The following SNX19 variants were observed in gnomAD, a reference collection of about 807,000 sequenced individuals.
SNX19 encodes sorting nexin 19.
SNX19 carries 60 observed loss-of-function variants against 85.2 expected under a neutral mutation model. The observed-to-expected ratio is 0.70, with a 90% CI of 0.57 to 0.87. The LOEUF is 0.87. Ranked by LOEUF, SNX19 falls within the 40% of genes least tolerant of loss-of-function variation. The pLI is 0.00. For synonymous variants in SNX19, 520 were observed against 470.0 expected, an observed-to-expected ratio of 1.11 and a Z score of -1.38; for missense variants, 1,201 against 1,217.8, an observed-to-expected ratio of 0.99 and a Z score of 0.21.
intron 8 of SNX19, chr11:130,903,018 T>C (rs1945362886): frequency 2.2e-6 from 1 of 445,132 alleles, no homozygotes; most frequent in African/African-American, 2.0e-5. Context: ...TCACACACAG[T>C]GTCTGCAACT....
At chr11:130,910,451 A>G in intron 2 of SNX19, 81 bp from the exon 3 acceptor site, 1 of 1,020,602 alleles carries the variant, frequency 9.8e-7, no homozygotes, top group Admixed American at 2.5e-5. Context: ...TATAAAGAAA[A>G]CAGAACTATT....
In SNX19 at chr11:130,915,676, A is replaced by T; in HGVS notation, c.264T>A (p.Cys88Ter). Residue 88 changes from cysteine to a stop codon, truncating the protein, a stop_gained, in exon 1 of 11, where the codon TGT becomes TGA. Transcript: ENST00000265909. LOFTEE classifies it high-confidence loss of function. ...HLERFIPLATCPPCPEAERQL... is the reference protein window; with the variant it reads ...HLERFIPLAT ...GCCTTTCTGCCTCAGGGCATGGAGGACAGGTGGCCAACGGGATGAAGCGTT... is the reference window on the plus strand; with the variant it reads ...GCCTTTCTGCCTCAGGGCATGGAGGTCAGGTGGCCAACGGGATGAAGCGTT... 2 of 1,614,222 alleles carry T rather than the reference A, an allele frequency of 1.2e-6. No individual in the cohort carries two copies. Among genetic ancestry groups the T allele is most frequent in the Non-Finnish European group, 1.7e-6 (2 of 1,180,036 alleles).
At chr11:130,903,571 A>G (rs1945413370) in intron 7 of SNX19, among the ~76,000 whole-genome samples, 187 bp from the exon 8 acceptor site, 1 of 152,026 alleles carries the variant, frequency 6.6e-6, no homozygotes, top group African/African-American at 2.4e-5. Context: ...CAGGCTCAGC[A>G]TTTCTTTACA....
At chr11:130,912,804 G>A (rs959411829) in intron 1 of SNX19, among the ~76,000 whole-genome samples, 1 of 152,058 alleles carries the variant, frequency 6.6e-6, no homozygotes, top group Non-Finnish European at 1.5e-5. Flanking sequence ...GAACTATGAG[G>A]CTTTCTGTGG....
Position 130,871,559 on chromosome 11 carries a change from G to T in SNX19, c.*6863C>A, listed in dbSNP as rs1383902277. On this transcript the variant is annotated 3_prime_UTR_variant, in exon 11 of 11. Transcript: ENST00000265909. ...TTTTTGATAGTTACAGGAGCAGGAT[G>T]ATTCTTCACCCAGGGGCACGGGCAA... is the stretch of plus-strand genomic sequence containing the variant. Among the ~76,000 whole-genome samples the T allele has an allele frequency of 6.6e-6, 1 of 152,196 alleles. No homozygotes were observed. Among genetic ancestry groups the T allele is most frequent in the Non-Finnish European group, 1.5e-5 (1 of 68,036 alleles).
In SNX19 at chr11:130,911,781, G is replaced by C. The variant is rs1445443939; in HGVS notation, c.1675-10C>G. 6.2e-7 allele frequency: 1 copy of C among 1,612,200 alleles called. No homozygotes were observed. Among genetic ancestry groups the C allele is most frequent in the Admixed American group, 1.7e-5 (1 of 59,894 alleles). On this transcript the variant is annotated splice_polypyrimidine_tract_variant and intron_variant, in intron 1 of 10. Transcript: ENST00000265909. ...CAAGGGCTGTCTCGTACTGTTCAACGAACAAATTGATTGACTCAATCAGCC... is the reference window on the plus strand; with the variant it reads ...CAAGGGCTGTCTCGTACTGTTCAACCAACAAATTGATTGACTCAATCAGCC...
chr11:130,911,067 C>T (rs1487347087), intron 2 of SNX19, among the ~76,000 whole-genome samples: 2 of 151,930 alleles, frequency 1.3e-5, no homozygotes, highest in African/African-American at 2.4e-5. Context: ...TGGTGGCGGG[C>T]GCCTGTAATC....
At position 130,910,363 on chromosome 11, in the gene SNX19, C is replaced by T. The variant is rs771543583; in HGVS notation, c.1821G>A (p.Lys607=). The T allele has an allele frequency of 6.4e-7, 1 of 1,566,402 alleles. No homozygotes were observed. The highest frequency in any genetic ancestry group is 8.6e-7 in the Non-Finnish European group (1 of 1,159,970). Residue 607 remains lysine (K), a synonymous_variant, in exon 3 of 11, where the codon AAG becomes AAA. Transcript: ENST00000265909. ...PDLRKFIKNV[K]GPKKLFPDLP... is the part of the protein sequence containing the mutation. ...GATCTGGAAAGAGCTTTTTAGGACCCTTCACATCTTCCAAAAAAAAAAAAA... is the reference window on the plus strand; with the variant it reads ...GATCTGGAAAGAGCTTTTTAGGACCTTTCACATCTTCCAAAAAAAAAAAAA...
At chr11:130,882,482 ACTGATT>A (rs1943750091) in intron 8 of SNX19, among the ~76,000 whole-genome samples, 1 of 152,236 alleles carries the variant, frequency 6.6e-6, no homozygotes, top group Non-Finnish European at 1.5e-5. Context: ...AAGGCTCACA[ACTGATT>A]CTAAGAATAG....
chr11:130,914,290 G>C lies in SNX19; in HGVS notation c.1650C>G (p.His550Gln). The change falls in exon 1 of 11, where the codon CAC (histidine) becomes CAG (glutamine). Residue 550 changes from histidine (H) to glutamine (Q), a missense_variant. Physicochemically the swap from His to Gln is conservative, Grantham distance 24 (BLOSUM62 0). Around this residue, in one of 3 missense-constraint regions of SNX19, gnomAD observed 791 missense variants for 750.9 expected, o/e 1.05. Transcript: ENST00000265909. ...CCTTCACAGTATAGAGTGTGTATGG[G>C]TGGAATCCAGTGCCACTGTGCTCTC... ...TAREHSGTGF[H>Q]PYTLYTVKYE... 2 of 1,595,206 alleles carry C rather than the reference G, an allele frequency of 1.3e-6. No individual in the cohort carries two copies.
At chr11:130,881,111 G>A (rs1000445312) in intron 8 of SNX19, 33 of 243,098 alleles carry the variant, frequency 1.4e-4, no homozygotes, top group African/African-American at 7.1e-4. Context: ...CTGGTACCTT[G>A]ATCTTGAACC....
chr11:130,900,815 G>C (rs1306090269), intron 8 of SNX19, among the ~76,000 whole-genome samples: 1 of 152,002 alleles, frequency 6.6e-6, no homozygotes, highest in Admixed American at 6.5e-5. Context: ...GATTAGCAAA[G>C]GGAAGTCCAA....
chr11:130,914,230 A>G, intron 1 of SNX19, 36 bp downstream of exon 1: 1 of 1,503,452 alleles, frequency 6.7e-7, no homozygotes, highest in East Asian at 2.3e-5. Flanking sequence ...ACCCACTCCT[A>G]GCCCGGGTGA....
chr11:130,890,527 C>A (rs1485402581), intron 8 of SNX19, among the ~76,000 whole-genome samples: 1 of 152,222 alleles, frequency 6.6e-6, no homozygotes, highest in African/African-American at 2.4e-5. Flanking sequence ...TCACAGGAGT[C>A]TGAATGAGCA....
intron 8 of SNX19, among the ~76,000 whole-genome samples, chr11:130,884,181 C>G (rs1943885452): frequency 6.6e-6 from 1 of 152,148 alleles, no homozygotes; most frequent in African/African-American, 2.4e-5. Flanking sequence ...TACACACCAC[C>G]ATTTCATTAT....
intron 8 of SNX19, among the ~76,000 whole-genome samples, chr11:130,895,904 C>T (rs968717830): frequency 6.6e-6 from 1 of 152,170 alleles, no homozygotes; most frequent in Non-Finnish European, 1.5e-5. Flanking sequence ...ACTCATATGA[C>T]AGGGGAAACT....
intron 8 of SNX19, among the ~76,000 whole-genome samples, chr11:130,891,651 G>A (rs1386088790): frequency 6.6e-6 from 1 of 152,062 alleles, no homozygotes; most frequent in Non-Finnish European, 1.5e-5. Context: ...AAAGAAGAGA[G>A]GAAGGTAGCA....
intron 8 of SNX19, among the ~76,000 whole-genome samples, chr11:130,896,362 G>T (rs1592322258): frequency 6.6e-6 from 1 of 152,220 alleles, no homozygotes; most frequent in South Asian, 2.1e-4. Flanking sequence ...ATAGCTAAGA[G>T]ACAATCTCTG....
At position 130,873,983 on chromosome 11, in the gene SNX19, A is replaced by G. The variant is rs1943122023; in HGVS notation, c.*4439T>C. Among the ~76,000 whole-genome samples the G allele has an allele frequency of 6.6e-6, 1 of 152,022 alleles. No homozygotes were observed. Among genetic ancestry groups the G allele is most frequent in the South Asian group, 2.1e-4 (1 of 4,824 alleles). On this transcript the variant is annotated 3_prime_UTR_variant, in exon 11 of 11. Transcript: ENST00000265909. ...CCATTCTCAGTGTCAGTGGATTGGC[A>G]TGAGGTGGGTGGTTCTAGCCAATGA... is the stretch of plus-strand genomic sequence containing the variant.
Sources: allele counts gnomAD v4.1 joint callset (sites outside exome capture counted in the v4.1 genomes callset), GRCh38; gene constraint gnomAD v4.1.1; regional missense constraint gnomAD v4.1.1; transcripts MANE v1.5; gene names NCBI Gene and HGNC (gene_info 2026-07-23, HGNC 2026-07-21).